The following GPHN variants were observed in gnomAD, a reference collection of about 807,000 sequenced individuals.
GPHN encodes gephyrin.
In GPHN, 17 loss-of-function variants were observed where a neutral mutation model predicts 95.5. That is an observed-to-expected ratio of 0.18 (90% CI 0.12 to 0.27). GPHN has a LOEUF of 0.27. GPHN is among the 10% of genes least tolerant of loss of function. The pLI, the probability that GPHN is intolerant of heterozygous loss-of-function variation, is 1.00. For missense variants in GPHN, 660 were observed against 978.1 expected (o/e 0.67, Z 4.34); for synonymous variants, 320 against 322.5 (o/e 0.99, Z 0.08).
chr14:66,961,145 A>G (rs1465590038), intron 8 of GPHN, among the ~76,000 whole-genome samples: 3 of 152,014 alleles, frequency 2.0e-5, no homozygotes, highest in African/African-American at 7.2e-5. Flanking sequence ...GGTACTACAG[A>G]CCTGTATTGG....
chr14:67,412,765 GTTTT>G, the GPHN span, among the ~76,000 whole-genome samples: 62 of 152,086 alleles, frequency 4.1e-4, no homozygotes, highest in South Asian at 0.013. Flanking sequence ...GTTTTTTGGG[GTTTT>G]TTGTTTGTTT....
chr14:66,828,437 G>C (rs983595590), intron 4 of GPHN, among the ~76,000 whole-genome samples: 1 of 152,038 alleles, frequency 6.6e-6, no homozygotes, highest in Non-Finnish European at 1.5e-5. Flanking sequence ...AGAAGAAGCT[G>C]TTTCTAGACA....
At chr14:67,517,153 G>A in the GPHN span, among the ~76,000 whole-genome samples, 10 of 152,298 alleles carry the variant, frequency 6.6e-5, no homozygotes, top group East Asian at 1.9e-3. Flanking sequence ...GGGACACGCT[G>A]GCAAGAAGCA....
chr14:67,724,959 G>C, the GPHN span: 1 of 1,019,360 alleles, frequency 9.8e-7, no homozygotes, highest in Non-Finnish European at 1.5e-6. Context: ...TGAAAAGCCC[G>C]AAGTGGCAAT....
chr14:66,509,746 A>G (rs2057962231), intron 1 of GPHN, among the ~76,000 whole-genome samples: 1 of 152,054 alleles, frequency 6.6e-6, no homozygotes, highest in Non-Finnish European at 1.5e-5. Context: ...TGTTTCCCTT[A>G]CTTCTTTTTT....
At chr14:67,725,619 A>G in the GPHN span, among the ~76,000 whole-genome samples, 1 of 152,198 alleles carries the variant, frequency 6.6e-6, no homozygotes, top group South Asian at 2.1e-4. Flanking sequence ...TGGATCTTGG[A>G]AAATGACCAG....
chr14:67,174,515 G>A (rs9323494), intron 21 of GPHN, among the ~76,000 whole-genome samples: 56,406 of 151,976 alleles, frequency 0.37, 13,904 homozygotes, highest in African/African-American at 0.69. Context: ...AGTCTTTGCT[G>A]CTGTGAATAG....
At chr14:67,496,663 CTT>C in the GPHN span, among the ~76,000 whole-genome samples, 5 of 150,448 alleles carry the variant, frequency 3.3e-5, no homozygotes, top group African/African-American at 9.8e-5. Context: ...CTCTCTCTCT[CTT>C]TCTTTCCTTC....
chr14:67,116,177 T>C (rs1345200441), intron 16 of GPHN, among the ~76,000 whole-genome samples: 1 of 151,966 alleles, frequency 6.6e-6, no homozygotes, highest in African/African-American at 2.4e-5. Flanking sequence ...GCCCCTGTAG[T>C]GTCTGCTACT....
At chr14:67,089,100 A>T (rs1443932526) in intron 12 of GPHN, 25 bp downstream of exon 12, 1 of 941,432 alleles carries the variant, frequency 1.1e-6, no homozygotes, top group Non-Finnish European at 1.7e-6. Flanking sequence ...TTTCTTAAAC[A>T]TAATCAGGCA....
chr14:67,453,831 T>A, the GPHN span, among the ~76,000 whole-genome samples: 3 of 152,294 alleles, frequency 2.0e-5, no homozygotes, highest in South Asian at 6.2e-4. Flanking sequence ...CAGGACACAG[T>A]GAGCATGGCT....
chr14:67,475,289 A>T, the GPHN span, among the ~76,000 whole-genome samples: 1 of 152,162 alleles, frequency 6.6e-6, no homozygotes, highest in Non-Finnish European at 1.5e-5. Flanking sequence ...CCATTCATCC[A>T]TTGATGGACA....
At chr14:67,034,231 G>A (rs1183716144) in intron 10 of GPHN, among the ~76,000 whole-genome samples, 1 of 152,114 alleles carries the variant, frequency 6.6e-6, no homozygotes, top group African/African-American at 2.4e-5. Context: ...TGTGGGGATG[G>A]AAAATGTAAA....
At position 66,895,275 on chromosome 14, in the gene GPHN, G is replaced by A. The variant is rs539061487; in HGVS notation, c.389+15242G>A. 3.3e-5 allele frequency among the ~76,000 whole-genome samples: 5 copies of A among 152,260 alleles called. No homozygotes were observed. The South Asian group carries it at 6.2e-4, about 19-fold the overall frequency. On this transcript the variant is annotated intron_variant, in intron 5 of 22. Coordinates refer to ENST00000478722, the MANE Select transcript of GPHN (RefSeq NM_020806.5). ...TCGCAAAAACAAAAAACCAGACACC[G>A]CATGTTCTCACTCATAGGTGGGAAT...
At chr14:66,656,534 T>C (rs1028959121) in intron 1 of GPHN, among the ~76,000 whole-genome samples, 4 of 152,186 alleles carry the variant, frequency 2.6e-5, no homozygotes, top group African/African-American at 9.6e-5. Context: ...TTTTTACATA[T>C]CAAAGGTTTA....
intron 19 of GPHN, among the ~76,000 whole-genome samples, chr14:67,164,616 C>T (rs754349089): frequency 2.6e-5 from 4 of 151,900 alleles, no homozygotes; most frequent in African/African-American, 7.3e-5. Context: ...CTCAGCCTCC[C>T]GAGTAGCTGG....
intron 1 of GPHN, among the ~76,000 whole-genome samples, chr14:66,642,683 A>C (rs1034020908): frequency 1.3e-5 from 2 of 151,894 alleles, no homozygotes; most frequent in Admixed American, 1.3e-4. Context: ...AATTTGTTAC[A>C]GAAGTAAAAG....
the GPHN span, among the ~76,000 whole-genome samples, chr14:67,667,860 C>T: frequency 6.6e-6 from 1 of 152,088 alleles, no homozygotes; most frequent in Admixed American, 6.6e-5. Flanking sequence ...AGAAGAATGG[C>T]GTGAACCCGG....
At chr14:66,681,635 T>G (rs926729535) in intron 2 of GPHN, among the ~76,000 whole-genome samples, 7 of 152,178 alleles carry the variant, frequency 4.6e-5, no homozygotes, top group African/African-American at 9.6e-5. Flanking sequence ...ATGTTTTACA[T>G]ATGGCACAAG....
Sources: gnomAD v4.1 joint callset for allele counts (sites outside exome capture counted in the v4.1 genomes callset) on GRCh38, gnomAD v4.1.1 for gene constraint, MANE v1.5 for transcripts, NCBI Gene and HGNC (gene_info 2026-07-23, HGNC 2026-07-21) for gene names.